The following MOK variants were observed in gnomAD, a reference collection of about 807,000 sequenced individuals.
MOK encodes the protein MOK protein kinase.
In MOK, 59 loss-of-function variants were observed where a neutral mutation model predicts 54.2. That is an observed-to-expected ratio of 1.09 (90% CI 0.88 to 1.35). The LOEUF (loss-of-function observed/expected upper bound fraction) is 1.35, where lower values mean the gene tolerates loss of function less well. Ranked by LOEUF, MOK falls within the 40% of genes most tolerant of loss-of-function variation. The pLI, the probability that MOK is intolerant of heterozygous loss-of-function variation, is 0.00. For synonymous variants in MOK, 210 were observed against 202.7 expected (o/e 1.04, Z -0.31); for missense variants, 517 against 526.2 (o/e 0.98, Z 0.17).
intron 1 of MOK, among the ~76,000 whole-genome samples, chr14:102,286,661 T>C (rs1295644126): frequency 1.3e-5 from 2 of 152,088 alleles, no homozygotes; most frequent in Non-Finnish European, 2.9e-5. Flanking sequence ...AGATTAATGA[T>C]TGCACCATTA....
chr14:102,239,254 A>G (rs2065484241), intron 7 of MOK, among the ~76,000 whole-genome samples: 1 of 151,804 alleles, frequency 6.6e-6, no homozygotes, highest in South Asian at 2.1e-4. Context: ...AGTTGATCAA[A>G]CTCACTCTAG....
intron 4 of MOK, among the ~76,000 whole-genome samples, chr14:102,255,116 G>A (rs920610410): frequency 6.6e-6 from 1 of 152,038 alleles, no homozygotes; most frequent in Non-Finnish European, 1.5e-5. Flanking sequence ...TCCGGAGATC[G>A]AGACCATCCT....
rs2066455041 is a variant in MOK, at chr14:102,250,685, TA to T, written c.590+126del. ...AAGCCTAGTCAATTTTCTGTTAAATTAAAAACAGTAAAACAGAAAGAAAAAC... is the reference window on the plus strand; with the variant it reads ...AAGCCTAGTCAATTTTCTGTTAAATTAAAACAGTAAAACAGAAAGAAAAAC... On this transcript the variant is annotated intron_variant, in intron 7 of 11. Coordinates refer to ENST00000361847, the MANE Select transcript of MOK (RefSeq NM_014226.3). 3 of 1,000,592 alleles carry T rather than the reference TA, an allele frequency of 3.0e-6. No homozygotes were observed. The South Asian group carries it at 5.4e-5, about 18-fold the overall frequency. The allele number at this position is 1,000,592 out of a possible 1,614,324, so 62.0% of individuals were successfully genotyped here. A position where few individuals can be genotyped will look rare whatever the true frequency, so the allele number is the denominator to read the frequency against.
the MOK span, among the ~76,000 whole-genome samples, chr14:102,217,790 A>G: frequency 5.9e-5 from 9 of 152,218 alleles, no homozygotes; most frequent in Non-Finnish European, 1.3e-4. Context: ...GTGTGTTCAG[A>G]GCTGGAAGTC....
intron 2 of MOK, among the ~76,000 whole-genome samples, chr14:102,273,764 G>C (rs2068596918): frequency 1.3e-5 from 2 of 152,056 alleles, no homozygotes; most frequent in Non-Finnish European, 2.9e-5. Flanking sequence ...TCCAGCCTGG[G>C]CAACAAGAGC....
chr14:102,232,500 T>C lies in MOK; in HGVS notation c.866+35A>G. The C allele has an allele frequency of 6.3e-7, 1 of 1,594,248 alleles. No individual in the cohort carries two copies. The highest frequency in any genetic ancestry group is 8.6e-7 in the Non-Finnish European group (1 of 1,167,552). ...CCCATGGGTCTCATTTGCCAGGTCC[T>C]GCATCTGCCCCACCGAACCCACGAG... On this transcript the variant is annotated intron_variant, in intron 9 of 11. Transcript: ENST00000361847. This position sits in a 1 kb window ranked among gnomAD's most constrained non-coding sequence, Gnocchi z 5.1.
intron 8 of MOK, chr14:102,233,093 T>C (rs1280308276): frequency 6.3e-6 from 1 of 158,780 alleles, no homozygotes. Context: ...ACCTTTCCTA[T>C]AAAAGATTAA....
At chr14:102,227,280 T>C (rs1165244788), downstream of MOK, among the ~76,000 whole-genome samples, 1 of 152,036 alleles carries the variant, frequency 6.6e-6, no homozygotes, top group Non-Finnish European at 1.5e-5. Flanking sequence ...ATGGCCCTCC[T>C]AGCCACCACT....
chr14:102,268,618 A>G (rs1027604021), intron 2 of MOK, among the ~76,000 whole-genome samples: 1 of 152,194 alleles, frequency 6.6e-6, no homozygotes, highest in African/African-American at 2.4e-5. Flanking sequence ...AGACTTTTAA[A>G]AAAAATGTAA....
At chr14:102,224,811 TAAA>T (rs1295549416), downstream of MOK, 14 of 455,962 alleles carry the variant, frequency 3.1e-5, no homozygotes, top group Non-Finnish European at 4.9e-5. Flanking sequence ...AGAGAAATAA[TAAA>T]AGACACTAAG....
At chr14:102,217,780 G>A in the MOK span, among the ~76,000 whole-genome samples, 1 of 152,272 alleles carries the variant, frequency 6.6e-6, no homozygotes, top group Non-Finnish European at 1.5e-5. Flanking sequence ...CAGTTAAGGA[G>A]TGTGTTCAGA....
rs139668403 is a variant in MOK at position 102,240,708 on chromosome 14, C to G, written c.591-6919G>C. On this transcript the variant is annotated intron_variant, in intron 7 of 11. Coordinates refer to ENST00000361847, the MANE Select transcript of MOK (RefSeq NM_014226.3). This position sits in a 1 kb window ranked among gnomAD's most constrained non-coding sequence, Gnocchi z 5.4. The stretch of plus-strand genomic sequence containing the variant: ...TTGGTGTCTGATCACCGCGAGGATG[C>G]CTGCCTTGGTCATTCACCCACATTC... The G allele has an allele frequency of 1.3e-5, 2 of 152,198 alleles. No homozygotes were observed. Among genetic ancestry groups the G allele is most frequent in the African/African-American group, 4.8e-5 (2 of 41,422 alleles). The allele number at this position is 152,198 out of a possible 1,614,324, so 9.4% of individuals were successfully genotyped here.
intron 1 of MOK, among the ~76,000 whole-genome samples, chr14:102,286,353 G>C (rs1220521822): frequency 6.7e-6 from 1 of 150,226 alleles, no homozygotes; most frequent in African/African-American, 2.5e-5. Flanking sequence ...CGGGCGCAGT[G>C]GCTCACGCCT....
chr14:102,284,825 C>A (rs1481026776), intron 1 of MOK, among the ~76,000 whole-genome samples: 1 of 152,162 alleles, frequency 6.6e-6, no homozygotes, highest in Non-Finnish European at 1.5e-5. Context: ...CGCCTGTAAT[C>A]CCTGCACTTT....
intron 2 of MOK, 36 bp downstream of exon 2, chr14:102,283,442 T>C (rs2069683271): frequency 1.5e-6 from 2 of 1,375,792 alleles, no homozygotes; most frequent in South Asian, 1.3e-5. Flanking sequence ...GAAACTTGGA[T>C]CTGTGTTTGG....
chr14:102,274,287 C>T (rs1425580293), intron 2 of MOK, among the ~76,000 whole-genome samples: 2 of 145,032 alleles, frequency 1.4e-5, no homozygotes, highest in Non-Finnish European at 3.0e-5. Context: ...CAGGTTCTCA[C>T]TCTGTCACCC....
At chr14:102,258,885 T>C (rs1191674347) in intron 4 of MOK, among the ~76,000 whole-genome samples, 2 of 152,152 alleles carry the variant, frequency 1.3e-5, no homozygotes, top group East Asian at 3.9e-4. Context: ...GCCAACATAG[T>C]GAAACCCCGT....
intron 4 of MOK, 47 bp from the exon 5 acceptor site, chr14:102,252,042 T>C (rs1206645360): frequency 9.7e-7 from 1 of 1,031,510 alleles, no homozygotes; most frequent in Non-Finnish European, 1.5e-6. Flanking sequence ...ATGGTACATA[T>C]CCTCTTTTTT....
chr14:102,223,008 C>T (rs3210281), downstream of MOK: 4 of 1,154,956 alleles, frequency 3.5e-6, no homozygotes, highest in East Asian at 2.5e-5. Context: ...CGGCGATAGC[C>T]GTGTGGACGG....
Sources: gnomAD v4.1 joint callset for allele counts (sites outside exome capture counted in the v4.1 genomes callset) on GRCh38, gnomAD v4.1.1 for gene constraint, Gnocchi (gnomAD v3.1) non-coding constraint, MANE v1.5 for transcripts, NCBI Gene and HGNC (gene_info 2026-07-23, HGNC 2026-07-21) for gene names.